KCNJ12: variants seen among roughly 807,000 people sequenced by gnomAD.
The protein encoded by KCNJ12 is potassium inwardly rectifying channel subfamily J member 12.
Under a neutral mutation model 22.3 loss-of-function variants are expected in KCNJ12, and 2 were observed. That is an observed-to-expected ratio of 0.09 (90% CI 0.04 to 0.28). KCNJ12 has a LOEUF of 0.28. Among genes scored for constraint, KCNJ12 ranks in the 10% least tolerant of loss-of-function variants. The pLI is 1.00. For synonymous variants in KCNJ12, 117 were observed against 261.4 expected, an observed-to-expected ratio of 0.45 and a Z score of 5.33; for missense variants, 155 against 633.3, an observed-to-expected ratio of 0.24 and a Z score of 8.11.
intron 1 of KCNJ12, among the ~76,000 whole-genome samples, chr17:21,380,809 CCAGA>C (rs2144759635): frequency 6.7e-6 from 1 of 150,308 alleles, no homozygotes; most frequent in South Asian, 2.1e-4. Context: ...GCAGTGGGCC[CCAGA>C]TGGCAGTGGG....
chr17:21,414,916 T>A (rs1272722922), intron 2 of KCNJ12, among the ~76,000 whole-genome samples: 1 of 152,304 alleles, frequency 6.6e-6, no homozygotes, highest in Non-Finnish European at 1.5e-5. Flanking sequence ...GTGGCTGCCA[T>A]GGAGACTGGG....
chr17:21,398,751 G>A (rs1225952170), intron 1 of KCNJ12, among the ~76,000 whole-genome samples: 3 of 152,348 alleles, frequency 2.0e-5, no homozygotes, highest in South Asian at 2.1e-4. Context: ...ATCCTAGGTC[G>A]TGTATCGGTG....
At chr17:21,402,178 C>G (rs1480234908) in intron 1 of KCNJ12, among the ~76,000 whole-genome samples, 1 of 152,312 alleles carries the variant, frequency 6.6e-6, no homozygotes, top group Non-Finnish European at 1.5e-5. Flanking sequence ...CTCCCCTGGC[C>G]TCAGCCTCAA....
At chr17:21,401,630 G>T (rs1274530725) in intron 1 of KCNJ12, among the ~76,000 whole-genome samples, 2 of 152,204 alleles carry the variant, frequency 1.3e-5, no homozygotes, top group Non-Finnish European at 2.9e-5. Context: ...GGAAGGGGTG[G>T]TCCCATGGTG....
intron 1 of KCNJ12, among the ~76,000 whole-genome samples, chr17:21,395,037 C>T (rs1905306278): frequency 6.6e-6 from 1 of 152,142 alleles, no homozygotes; most frequent in East Asian, 1.9e-4. Flanking sequence ...GTGGCTCACA[C>T]CTGTAATCCC....
At chr17:21,383,011 T>C (rs1555558189) in intron 1 of KCNJ12, among the ~76,000 whole-genome samples, 1 of 151,882 alleles carries the variant, frequency 6.6e-6, no homozygotes, top group Admixed American at 6.6e-5. Context: ...GGGCGCAGCC[T>C]TGAGGCCACA....
At chr17:21,415,210 G>A (rs577958589) in intron 2 of KCNJ12, 77 bp from the exon 3 acceptor site, 58 of 1,443,134 alleles carry the variant, frequency 4.0e-5, no homozygotes, top group East Asian at 2.7e-4. Context: ...CTCCAGTCAC[G>A]TCTGGGGGCC....
chr17:21,406,299 C>A (rs1905933423), intron 1 of KCNJ12, among the ~76,000 whole-genome samples: 2 of 152,114 alleles, frequency 1.3e-5, no homozygotes, highest in Non-Finnish European at 2.9e-5. Context: ...ACAGTGTTGG[C>A]CCACTCGGGG....
intron 1 of KCNJ12, among the ~76,000 whole-genome samples, chr17:21,399,823 G>A (rs1905509410): frequency 6.6e-6 from 1 of 152,176 alleles, no homozygotes; most frequent in Non-Finnish European, 1.5e-5. Flanking sequence ...CGTGTCCCTA[G>A]GCACAGCACT....
At chr17:21,402,571 T>C (rs73979806) in intron 1 of KCNJ12, among the ~76,000 whole-genome samples, 1 of 152,310 alleles carries the variant, frequency 6.6e-6, no homozygotes, top group Non-Finnish European at 1.5e-5. Context: ...TCCTGGACTC[T>C]ACATCTCTGA....
At chr17:21,396,084 C>T (rs1905352693) in intron 1 of KCNJ12, among the ~76,000 whole-genome samples, 1 of 152,158 alleles carries the variant, frequency 6.6e-6, no homozygotes, top group Non-Finnish European at 1.5e-5. Flanking sequence ...GGTGGCTGCC[C>T]TGGGCCCCCG....
At chr17:21,395,992 T>C (rs1015125714) in intron 1 of KCNJ12, among the ~76,000 whole-genome samples, 2 of 152,294 alleles carry the variant, frequency 1.3e-5, no homozygotes, top group Admixed American at 6.5e-5. Context: ...GCTCTGAGCC[T>C]CTGCAGCCAG....
intron 1 of KCNJ12, among the ~76,000 whole-genome samples, chr17:21,401,454 C>A (rs1208382955): frequency 6.6e-6 from 1 of 152,238 alleles, no homozygotes; most frequent in African/African-American, 2.4e-5. Context: ...CCCTGTGGGC[C>A]GAGCTCAGAG....
intron 1 of KCNJ12, among the ~76,000 whole-genome samples, chr17:21,381,539 T>G (rs1904868720): frequency 6.6e-6 from 1 of 151,996 alleles, no homozygotes. Flanking sequence ...CACTCCTACC[T>G]CAGGGCCTTT....
At chr17:21,393,554 AC>A (rs1352816889) in intron 1 of KCNJ12, among the ~76,000 whole-genome samples, 3 of 151,172 alleles carry the variant, frequency 2.0e-5, no homozygotes, top group Non-Finnish European at 4.4e-5. Context: ...GGAGCCTCAG[AC>A]CCCCCCGTGC....
At chr17:21,414,968 G>A (rs1340696234) in intron 2 of KCNJ12, among the ~76,000 whole-genome samples, 4 of 152,304 alleles carry the variant, frequency 2.6e-5, no homozygotes, top group Non-Finnish European at 4.4e-5. Flanking sequence ...GTTGTGCCCC[G>A]AACTGGCTGG....
chr17:21,378,003 C>T (rs1904725944), intron 1 of KCNJ12, among the ~76,000 whole-genome samples: 1 of 152,266 alleles, frequency 6.6e-6, no homozygotes, highest in Non-Finnish European at 1.5e-5. Flanking sequence ...GCTCCCACAT[C>T]TGCGCCCCAA....
chr17:21,384,969 GT>G (rs1156251895), intron 1 of KCNJ12, among the ~76,000 whole-genome samples: 3 of 151,926 alleles, frequency 2.0e-5, no homozygotes, highest in African/African-American at 7.3e-5. Flanking sequence ...TAGAGACGGG[GT>G]TTCACCGTGT....
At chr17:21,399,574 C>G (rs1468745198) in intron 1 of KCNJ12, among the ~76,000 whole-genome samples, 4 of 152,102 alleles carry the variant, frequency 2.6e-5, no homozygotes, top group Non-Finnish European at 5.9e-5. Flanking sequence ...CTCCTGGGTC[C>G]CATAGCCCCT....
Sources: gnomAD v4.1 joint callset for allele counts (sites outside exome capture counted in the v4.1 genomes callset) on GRCh38, gnomAD v4.1.1 for gene constraint, MANE v1.5 for transcripts, NCBI Gene and HGNC (gene_info 2026-07-23, HGNC 2026-07-21) for gene names.